ASCC3: variants seen among roughly 807,000 people sequenced by gnomAD.
ASCC3 encodes activating signal cointegrator 1 complex subunit 3.
ASCC3 carries 158 observed loss-of-function variants against 256.3 expected under a neutral mutation model. The ratio of observed to expected loss-of-function variants is 0.62; its 90% CI spans 0.54 to 0.70. The LOEUF (loss-of-function observed/expected upper bound fraction) is 0.70, where lower values mean the gene tolerates loss of function less well. Ranked by LOEUF, ASCC3 falls within the 30% of genes least tolerant of loss-of-function variation. ASCC3 has a pLI of 0.00. For synonymous variants in ASCC3, 948 were observed against 883.4 expected (o/e 1.07, Z -1.30); for missense variants, 2,259 against 2,626.0 (o/e 0.86, Z 3.05).
At chr6:100,751,920 T>G (rs1044800794) in intron 10 of ASCC3, among the ~76,000 whole-genome samples, 1 of 152,098 alleles carries the variant, frequency 6.6e-6, no homozygotes, top group African/African-American at 2.4e-5. Flanking sequence ...GGTCTATAGA[T>G]TCCTAAACAT....
chr6:100,857,060 A>G (rs1443617365), intron 3 of ASCC3: 1 of 152,174 alleles, frequency 6.6e-6, no homozygotes, highest in Non-Finnish European at 1.5e-5. Flanking sequence ...AGCAGTAGAC[A>G]AAAATTCTAG....
intron 30 of ASCC3, among the ~76,000 whole-genome samples, chr6:100,620,366 G>C (rs771778921): frequency 2.0e-5 from 3 of 152,142 alleles, no homozygotes; most frequent in Non-Finnish European, 4.4e-5. Flanking sequence ...GGGGTTTCCT[G>C]ATGCAGTATA....
intron 3 of ASCC3, chr6:100,859,149 T>C: frequency 1.3e-6 from 1 of 780,126 alleles, no homozygotes; most frequent in Non-Finnish European, 2.4e-6. Context: ...CTGCTCATCT[T>C]CTCATCCTCC....
At chr6:100,683,762 T>C (rs1317111432) in intron 13 of ASCC3, among the ~76,000 whole-genome samples, 3 of 152,132 alleles carry the variant, frequency 2.0e-5, no homozygotes, top group Non-Finnish European at 2.9e-5. Context: ...TAAAACTTTA[T>C]GCTTTTATTT....
chr6:100,766,655 G>A lies in ASCC3; in HGVS notation c.1647C>T (p.Tyr549=), dbSNP rs752170919. The A allele has an allele frequency of 2.5e-6, 4 of 1,613,854 alleles. No homozygotes were observed. The African/African-American group carries it at 5.3e-5, about 22-fold the overall frequency. Residue 549 remains tyrosine (Y), a synonymous_variant, in exon 10 of 42, where the codon TAC becomes TAT. Coordinates refer to ENST00000369162, the MANE Select transcript of ASCC3 (RefSeq NM_006828.4). ...MKALAAEMTD[Y]FSRRLEPLGI... Reference sequence around the variant, plus strand: ...CTAGTGGCTCTAGACGTCTGCTGAAGTAATCTGTCATTTCAGCTGCCAAGG... The same window carrying A: ...CTAGTGGCTCTAGACGTCTGCTGAAATAATCTGTCATTTCAGCTGCCAAGG...
chr6:100,821,534 T>C (rs988894220), intron 4 of ASCC3, among the ~76,000 whole-genome samples: 5 of 151,418 alleles, frequency 3.3e-5, no homozygotes, highest in African/African-American at 1.2e-4. Flanking sequence ...AAAAAAAAAA[T>C]GAAGTAGTAG....
At position 100,725,600 on chromosome 6, in the gene ASCC3, T is replaced by TG; in HGVS notation, c.1840dup (p.His614ProfsTer5). 1 of 1,612,812 alleles carries TG rather than the reference T, an allele frequency of 6.2e-7. No individual in the cohort carries two copies. The highest frequency in any genetic ancestry group is 8.5e-7 in the Non-Finnish European group (1 of 1,179,172). On this transcript the variant is annotated frameshift_variant, in exon 11 of 42. Coordinates refer to ENST00000369162, the MANE Select transcript of ASCC3 (RefSeq NM_006828.4). LOFTEE classifies it high-confidence loss of function. Reference sequence around the variant, plus strand: ...TGGTCCTCTATCTTCATGCAGCAAATGAACTTCATCAAGAATAAGGAGCCT... The same window carrying TG: ...TGGTCCTCTATCTTCATGCAGCAAATGGAACTTCATCAAGAATAAGGAGCCT...
chr6:100,761,421 G>A (rs1781416462), intron 10 of ASCC3, among the ~76,000 whole-genome samples: 1 of 152,210 alleles, frequency 6.6e-6, no homozygotes. Flanking sequence ...TCAGAAGGCT[G>A]AGGCTGCAGT....
At chr6:100,539,649 C>T (rs183959848) in intron 37 of ASCC3, among the ~76,000 whole-genome samples, 190 of 152,172 alleles carry the variant, frequency 1.2e-3, no homozygotes, top group African/African-American at 4.5e-3. Context: ...CTACGGTTCA[C>T]TCTCTTCTTT....
At chr6:100,851,282 A>C (rs1468932382) in intron 3 of ASCC3, among the ~76,000 whole-genome samples, 2 of 152,196 alleles carry the variant, frequency 1.3e-5, no homozygotes, top group African/African-American at 2.4e-5. Flanking sequence ...TTACAAAATA[A>C]ATTTTAAAAA....
chr6:100,801,085 T>A lies in ASCC3; in HGVS notation c.923-581A>T, dbSNP rs1192584230. On this transcript the variant is annotated intron_variant, in intron 5 of 41. Transcript: ENST00000369162. ...ACCTTTTTACGGAAACACAGTTTTTTAAAAAATGGAAAAACCAAGTGAATT... is the reference window on the plus strand; with the variant it reads ...ACCTTTTTACGGAAACACAGTTTTTAAAAAAATGGAAAAACCAAGTGAATT... 2.0e-5 allele frequency among the ~76,000 whole-genome samples: 3 copies of A among 152,026 alleles called. No individual in the cohort carries two copies. The East Asian group carries it at 5.8e-4, about 29-fold the overall frequency.
Position 100,631,201 on chromosome 6 carries a change from CAA to C in ASCC3, c.4133_4134del (p.Ile1378SerfsTer9). ...NKYPTSKAVYIAPLKALVRER... is the reference protein window; with the variant it reads ...NKYPTSKAVYXAPLKALVRER... ...TCACGTACTAGGGCTTTTAGGGGTG[CAA>C]TATATACCGCCTAAAAAGGGGAGAA... On this transcript the variant is annotated frameshift_variant, in exon 26 of 42. Coordinates refer to ENST00000369162, the MANE Select transcript of ASCC3 (RefSeq NM_006828.4). LOFTEE classifies it high-confidence loss of function. 7 of 1,611,170 alleles carry C rather than the reference CAA, an allele frequency of 4.3e-6. No individual in the cohort carries two copies. Among genetic ancestry groups the C allele is most frequent in the Non-Finnish European group, 3.4e-6 (4 of 1,177,940 alleles).
At chr6:100,876,484 G>A (rs1774009276) in intron 1 of ASCC3, among the ~76,000 whole-genome samples, 1 of 152,206 alleles carries the variant, frequency 6.6e-6, no homozygotes, top group Non-Finnish European at 1.5e-5. Context: ...CACAGAGGCA[G>A]TGGGACAATG....
intron 34 of ASCC3, among the ~76,000 whole-genome samples, chr6:100,590,543 A>C (rs1771952927): frequency 1.3e-5 from 2 of 152,114 alleles, no homozygotes; most frequent in Non-Finnish European, 2.9e-5. Flanking sequence ...AATTCCTACT[A>C]GGTGAACCCT....
intron 36 of ASCC3, among the ~76,000 whole-genome samples, chr6:100,540,895 G>A (rs1775424304): frequency 1.3e-5 from 2 of 152,034 alleles, no homozygotes; most frequent in Non-Finnish European, 2.9e-5. Flanking sequence ...GATAAGATTG[G>A]CAAGATGAGA....
intron 13 of ASCC3, among the ~76,000 whole-genome samples, chr6:100,703,562 T>C (rs1010107594): frequency 6.6e-6 from 1 of 152,036 alleles, no homozygotes; most frequent in Non-Finnish European, 1.5e-5. Flanking sequence ...GCTTTTGAAT[T>C]ACAATGTCCA....
rs1775712965 is a variant in ASCC3, at chr6:100,652,315, A to G, written c.2988+410T>C. Among the ~76,000 whole-genome samples the G allele has an allele frequency of 2.0e-5, 3 of 152,170 alleles. No individual in the cohort carries two copies. The South Asian group carries it at 6.2e-4, about 31-fold the overall frequency. On this transcript the variant is annotated intron_variant, in intron 18 of 41. Coordinates refer to ENST00000369162, the MANE Select transcript of ASCC3 (RefSeq NM_006828.4). Reference sequence around the variant, plus strand: ...TGAAAAGCCAGAGACAACGTGTTGGATTGATTTCAACCGGATCATAGTTCT... The same window carrying G: ...TGAAAAGCCAGAGACAACGTGTTGGGTTGATTTCAACCGGATCATAGTTCT...
chr6:100,569,113 G>A (rs2114720834), intron 36 of ASCC3, among the ~76,000 whole-genome samples: 1 of 152,190 alleles, frequency 6.6e-6, no homozygotes, highest in South Asian at 2.1e-4. Context: ...ACAGTTTGAA[G>A]TCTTAAATTT....
intron 12 of ASCC3, 36 bp from the exon 13 acceptor site, chr6:100,715,569 A>C: frequency 1.3e-6 from 2 of 1,548,974 alleles, no homozygotes; most frequent in South Asian, 2.3e-5. Context: ...AATCATGTGA[A>C]ACAATTATAA....
Sources: gnomAD v4.1 joint callset for allele counts (sites outside exome capture counted in the v4.1 genomes callset) on GRCh38, gnomAD v4.1.1 for gene constraint, MANE v1.5 for transcripts, NCBI Gene and HGNC (gene_info 2026-07-23, HGNC 2026-07-21) for gene names.